The following DNMBP variants were observed in gnomAD, a reference collection of about 807,000 sequenced individuals.
DNMBP encodes the protein dynamin binding protein, also known as dynamin-binding protein.
DNMBP carries 87 observed loss-of-function variants against 150.0 expected under a neutral mutation model. The ratio of observed to expected loss-of-function variants is 0.58; its 90% CI spans 0.49 to 0.69. The LOEUF (loss-of-function observed/expected upper bound fraction) is 0.69. Ranked by LOEUF, DNMBP falls within the 30% of genes least tolerant of loss-of-function variation. DNMBP has a pLI of 0.00. For missense variants in DNMBP, 1,774 were observed against 1,949.0 expected, an observed-to-expected ratio of 0.91 and a Z score of 1.69; for synonymous variants, 711 against 750.4, an observed-to-expected ratio of 0.95 and a Z score of 0.86.
At chr10:99,966,826 G>A (rs572802283) in intron 3 of DNMBP, among the ~76,000 whole-genome samples, 1 of 152,074 alleles carries the variant, frequency 6.6e-6, no homozygotes, top group Admixed American at 6.5e-5. Context: ...TGTTGCCCAA[G>A]CTGGAGTGTA....
chr10:100,006,411 T>G (rs1241808376), intron 1 of DNMBP, among the ~76,000 whole-genome samples: 1 of 152,196 alleles, frequency 6.6e-6, no homozygotes, highest in African/African-American at 2.4e-5. Flanking sequence ...CCAGTTATTT[T>G]ACAGATGAGG....
At chr10:99,914,095 A>G in intron 4 of DNMBP, 1 of 1,388,814 alleles carries the variant, frequency 7.2e-7, no homozygotes, top group Non-Finnish European at 9.4e-7. Context: ...GGCTTCCCAC[A>G]TTTACATATG....
intron 4 of DNMBP, among the ~76,000 whole-genome samples, chr10:99,942,507 G>T (rs919641216): frequency 6.6e-6 from 1 of 152,154 alleles, no homozygotes; most frequent in African/African-American, 2.4e-5. Context: ...GCAACTAAGG[G>T]TCTCAGGCTA....
chr10:99,886,298 A>C lies in DNMBP; in HGVS notation c.3618+2T>G. 6.2e-7 allele frequency: 1 copy of C among 1,609,826 alleles called. No individual in the cohort carries two copies. Among genetic ancestry groups the C allele is most frequent in the Non-Finnish European group, 8.5e-7 (1 of 1,176,546 alleles). ...ATCCCACTGAACAGGTAAGAAACTC[A>C]CCGAAAGCAGTGGCTTTAATTGCTC... On this transcript the variant is annotated splice_donor_variant, in intron 13 of 16. Coordinates refer to ENST00000324109, the MANE Select transcript of DNMBP (RefSeq NM_015221.4). LOFTEE classifies it high-confidence loss of function.
At chr10:99,929,688 C>T (rs903635123) in intron 4 of DNMBP, 1 of 702,990 alleles carries the variant, frequency 1.4e-6, no homozygotes, top group Non-Finnish European at 2.6e-6. Context: ...ACTATTCCTT[C>T]TCCAAGTCTC....
intron 11 of DNMBP, among the ~76,000 whole-genome samples, chr10:99,894,328 T>A (rs977621091): frequency 6.6e-6 from 1 of 152,140 alleles, no homozygotes; most frequent in Non-Finnish European, 1.5e-5. Flanking sequence ...ATTAAATCAA[T>A]AGAGAAATTA....
At position 99,956,802 on chromosome 10, in the gene DNMBP, A is replaced by T; in HGVS notation, c.672T>A (p.Gly224=). 6.2e-7 allele frequency: 1 copy of T among 1,613,940 alleles called. No homozygotes were observed. The highest frequency in any genetic ancestry group is 8.5e-7 in the Non-Finnish European group (1 of 1,179,992). ...CTTCTCCTACAGGGGTATCTACTTCACCATTAACAATGCAGTCATCTTGAT... is the reference window on the plus strand; with the variant it reads ...CTTCTCCTACAGGGGTATCTACTTCTCCATTAACAATGCAGTCATCTTGAT... ...SGNQDDCIVN[G]EVDTPVGEEE... is the part of the protein sequence containing the mutation. Residue 224 remains glycine, a synonymous_variant, in exon 4 of 17, where the codon GGT becomes GGA. Transcript: ENST00000324109.
At chr10:99,898,452 C>T in intron 8 of DNMBP, 167 bp from the exon 9 acceptor site, 1 of 707,860 alleles carries the variant, frequency 1.4e-6, no homozygotes, top group Middle Eastern at 2.9e-4. Context: ...TTTTACCCTA[C>T]TTTCCAATTT....
At chr10:99,998,952 T>C (rs988752606) in intron 1 of DNMBP, among the ~76,000 whole-genome samples, 1 of 152,230 alleles carries the variant, frequency 6.6e-6, no homozygotes, top group Non-Finnish European at 1.5e-5. Context: ...AATACTTTAT[T>C]ATGAAAAGGA....
chr10:99,898,811 A>C (rs2039697537), intron 7 of DNMBP, 51 bp from the exon 8 acceptor site: 1 of 1,534,890 alleles, frequency 6.5e-7, no homozygotes, highest in Non-Finnish European at 9.0e-7. Flanking sequence ...TAGAGAGAGA[A>C]TCTTGAGTTT....
intron 4 of DNMBP, chr10:99,929,476 C>T (rs1045748711): frequency 3.4e-6 from 2 of 590,640 alleles, no homozygotes; most frequent in African/African-American, 1.9e-5. Context: ...AGGTTGTTCT[C>T]ACTCAAGGTG....
At chr10:99,912,340 A>G (rs1171496771) in intron 4 of DNMBP, among the ~76,000 whole-genome samples, 1 of 152,272 alleles carries the variant, frequency 6.6e-6, no homozygotes, top group South Asian at 2.1e-4. Context: ...AAATTCTACT[A>G]ATTATAGTAG....
At chr10:99,894,737 T>A (rs1313970398) in intron 11 of DNMBP, among the ~76,000 whole-genome samples, 1 of 152,130 alleles carries the variant, frequency 6.6e-6, no homozygotes, top group African/African-American at 2.4e-5. Flanking sequence ...TGGAAAAAGT[T>A]GGGCTGCTTT....
intron 1 of DNMBP, among the ~76,000 whole-genome samples, chr10:99,973,707 C>T (rs982866561): frequency 1.1e-4 from 16 of 152,204 alleles, no homozygotes; most frequent in Admixed American, 6.5e-4. Context: ...GGGACTGGCG[C>T]GGTGGCTCGC....
intron 4 of DNMBP, among the ~76,000 whole-genome samples, chr10:99,954,712 C>T (rs912852182): frequency 1.4e-5 from 2 of 145,590 alleles, no homozygotes; most frequent in Admixed American, 1.4e-4. Context: ...CCATTGCACT[C>T]CAGCCTGGGC....
intron 6 of DNMBP, 52 bp from the exon 7 acceptor site, chr10:99,900,118 A>T (rs778207967): frequency 6.2e-7 from 1 of 1,602,042 alleles, no homozygotes; most frequent in Non-Finnish European, 8.5e-7. Context: ...TCTTCTCAGT[A>T]TACTAAATGT....
chr10:100,000,584 C>T (rs746782982), intron 1 of DNMBP, among the ~76,000 whole-genome samples: 8 of 152,090 alleles, frequency 5.3e-5, no homozygotes, highest in Non-Finnish European at 8.8e-5. Flanking sequence ...ATTCTACTAG[C>T]CTGCTGAACC....
intron 4 of DNMBP, among the ~76,000 whole-genome samples, chr10:99,933,713 G>GA (rs910700386): frequency 1.1e-4 from 17 of 152,272 alleles, no homozygotes; most frequent in African/African-American, 1.9e-4. Context: ...GCCAGAGGGG[G>GA]AAAAATCACT....
intron 4 of DNMBP, among the ~76,000 whole-genome samples, chr10:99,936,428 A>G (rs1220244382): frequency 3.9e-5 from 6 of 152,182 alleles, no homozygotes. Context: ...GGACAGTTCA[A>G]GAAGGCCTCT....
Sources: gnomAD v4.1 joint callset for allele counts (sites outside exome capture counted in the v4.1 genomes callset) on GRCh38, gnomAD v4.1.1 for gene constraint, MANE v1.5 for transcripts, NCBI Gene and HGNC (gene_info 2026-07-23, HGNC 2026-07-21) for gene names.